NXPH1: variants seen among roughly 807,000 people sequenced by gnomAD.
NXPH1 encodes the protein neurexophilin 1.
A neutral mutation model predicts 23.7 loss-of-function variants in NXPH1; 5 were observed. The ratio of observed to expected loss-of-function variants is 0.21; its 90% confidence interval spans 0.11 to 0.44. The LOEUF is 0.44. Ranked by LOEUF, NXPH1 falls within the 20% of genes least tolerant of loss-of-function variation. The probability of loss-of-function intolerance (pLI) is 0.99; values close to 1 mark genes in which losing one functional copy is unlikely to be tolerated. For missense variants in NXPH1, 324 were observed against 321.6 expected (o/e 1.01, Z -0.06); for synonymous variants, 144 against 122.2 (o/e 1.18, Z -1.18).
chr7:8,535,422 A>G (rs1396615665), intron 2 of NXPH1, among the ~76,000 whole-genome samples: 1 of 152,086 alleles, frequency 6.6e-6, no homozygotes, highest in Non-Finnish European at 1.5e-5. Flanking sequence ...GCTATTAACA[A>G]AAATATACCC....
intron 2 of NXPH1, among the ~76,000 whole-genome samples, chr7:8,514,463 A>G (rs1817658673): frequency 6.6e-6 from 1 of 152,164 alleles, no homozygotes; most frequent in South Asian, 2.1e-4. Context: ...TTCTACTACT[A>G]TGGACAAGCA....
intron 2 of NXPH1, among the ~76,000 whole-genome samples, chr7:8,615,462 G>A (rs1562427470): frequency 6.6e-6 from 1 of 151,856 alleles, no homozygotes. Context: ...TAGATGTTAG[G>A]TGTTACTGCT....
At chr7:8,640,087 C>A (rs907880460) in intron 2 of NXPH1, among the ~76,000 whole-genome samples, 6 of 152,146 alleles carry the variant, frequency 3.9e-5, no homozygotes, top group African/African-American at 1.4e-4. Flanking sequence ...TATTGCAAAT[C>A]CATATTCCCA....
chr7:8,625,118 A>G (rs761572370), intron 2 of NXPH1, among the ~76,000 whole-genome samples: 17 of 152,160 alleles, frequency 1.1e-4, no homozygotes, highest in Non-Finnish European at 2.5e-4. Context: ...TAGAGTCCCT[A>G]TGTAGAAATA....
chr7:8,476,198 A>T (rs1482543560), intron 2 of NXPH1, among the ~76,000 whole-genome samples: 1 of 152,092 alleles, frequency 6.6e-6, no homozygotes, highest in Non-Finnish European at 1.5e-5. Context: ...TTCTGTGTGT[A>T]TTTAAAAGAT....
chr7:8,462,197 C>T (rs1027355995), intron 2 of NXPH1, among the ~76,000 whole-genome samples: 5 of 151,998 alleles, frequency 3.3e-5, no homozygotes, highest in African/African-American at 1.2e-4. Flanking sequence ...TACAGGCATG[C>T]GCCACCATGC....
chr7:8,492,612 A>G (rs1245820695), intron 2 of NXPH1, among the ~76,000 whole-genome samples: 1 of 152,050 alleles, frequency 6.6e-6, no homozygotes, highest in Non-Finnish European at 1.5e-5. Flanking sequence ...GTATGTAAAT[A>G]AACTTCATAT....
chr7:8,487,019 AACCT>A (rs1817169965), intron 2 of NXPH1, among the ~76,000 whole-genome samples: 5 of 152,258 alleles, frequency 3.3e-5, no homozygotes, highest in Admixed American at 2.6e-4. Flanking sequence ...TAAGAACAAG[AACCT>A]ATGTTTTTTT....
chr7:8,612,124 TTC>T (rs1305880347), intron 2 of NXPH1, among the ~76,000 whole-genome samples: 27 of 151,894 alleles, frequency 1.8e-4, no homozygotes, highest in Non-Finnish European at 3.2e-4. Flanking sequence ...TGAGTTCTTT[TTC>T]TCTTTTTTTT....
chr7:8,600,923 CTT>C (rs112106354), intron 2 of NXPH1, among the ~76,000 whole-genome samples: 1 of 145,228 alleles, frequency 6.9e-6, no homozygotes, highest in Non-Finnish European at 1.5e-5. Context: ...ATGTGTAGAC[CTT>C]TTTTTTTTTG....
At chr7:8,487,241 T>C (rs1309583134) in intron 2 of NXPH1, among the ~76,000 whole-genome samples, 1 of 152,184 alleles carries the variant, frequency 6.6e-6, no homozygotes, top group Non-Finnish European at 1.5e-5. Context: ...TCCACCCAAA[T>C]CTCACCTTGA....
chr7:8,451,925 G>A (rs1294561686), intron 2 of NXPH1, among the ~76,000 whole-genome samples: 5 of 152,168 alleles, frequency 3.3e-5, no homozygotes, highest in Admixed American at 3.3e-4. Flanking sequence ...GGTGCATAGG[G>A]TTCACCATGG....
chr7:8,483,965 C>CTTTTTT (rs60436502), intron 2 of NXPH1, among the ~76,000 whole-genome samples: 1 of 132,336 alleles, frequency 7.6e-6, no homozygotes, highest in African/African-American at 3.1e-5. Context: ...CTCCCCCCAC[C>CTTTTTT]TTTTTTTTTT....
chr7:8,486,448 A>G (rs527993945), intron 2 of NXPH1, among the ~76,000 whole-genome samples: 5 of 152,272 alleles, frequency 3.3e-5, no homozygotes, highest in African/African-American at 9.6e-5. Flanking sequence ...TGTAAGAATC[A>G]TTTGGAAAGG....
intron 2 of NXPH1, among the ~76,000 whole-genome samples, chr7:8,662,183 T>TGTACAC (rs1820686726): frequency 1.8e-5 from 1 of 55,786 alleles, no homozygotes; most frequent in Non-Finnish European, 3.9e-5. Flanking sequence ...TATATATATA[T>TGTACAC]ATATATACAC....
chr7:8,717,493 A>G (rs17154569), intron 2 of NXPH1, among the ~76,000 whole-genome samples: 26,527 of 152,142 alleles, frequency 0.17, 2,539 homozygotes, highest in East Asian at 0.35. Flanking sequence ...AGATGTATCT[A>G]AGATTCCTGA....
At position 8,568,979 on chromosome 7, in the gene NXPH1, A is replaced by G. The variant is rs116355681; in HGVS notation, c.54+133212A>G. ...ATTATGGAATTAGAAAAAAATTATA[A>G]TTTTAAAAGCCTTTAAAATATTGAC... is the stretch of plus-strand genomic sequence containing the variant. On this transcript the variant is annotated intron_variant, in intron 2 of 2. Coordinates refer to ENST00000405863, the MANE Select transcript of NXPH1 (RefSeq NM_152745.3). Among the ~76,000 whole-genome samples, 856 of 152,020 alleles carry G rather than the reference A, an allele frequency of 5.6e-3. 9 individuals carry two copies. The highest frequency in any genetic ancestry group is 0.019 in the African/African-American group (809 of 41,530).
At chr7:8,701,709 G>T (rs1189992733) in intron 2 of NXPH1, among the ~76,000 whole-genome samples, 2 of 151,986 alleles carry the variant, frequency 1.3e-5, no homozygotes, top group Non-Finnish European at 2.9e-5. Flanking sequence ...TCCCCATTTT[G>T]TATCCTCAGA....
chr7:8,467,402 A>G (rs1816803331), intron 2 of NXPH1, among the ~76,000 whole-genome samples: 1 of 152,168 alleles, frequency 6.6e-6, no homozygotes, highest in African/African-American at 2.4e-5. Context: ...GATTTACAGA[A>G]GCTTCCTGTC....
Sources: gnomAD v4.1 joint callset for allele counts (sites outside exome capture counted in the v4.1 genomes callset) on GRCh38, gnomAD v4.1.1 for gene constraint, MANE v1.5 for transcripts, NCBI Gene and HGNC (gene_info 2026-07-23, HGNC 2026-07-21) for gene names.